MALRD1: variants seen among roughly 807,000 people sequenced by gnomAD.
MALRD1 encodes MAM and LDL receptor class A domain containing 1.
A neutral mutation model predicts 242.1 loss-of-function variants in MALRD1; 247 were observed. That is an observed-to-expected ratio of 1.02 (90% CI 0.92 to 1.13). The LOEUF is 1.13. Among genes scored for constraint, MALRD1 ranks in the 50% most tolerant of loss-of-function variants. The pLI, the probability that MALRD1 is intolerant of heterozygous loss-of-function variation, is 0.00. For missense variants in MALRD1, 2,989 were observed against 2,533.1 expected (o/e 1.18, Z -3.86); for synonymous variants, 995 against 866.6 (o/e 1.15, Z -2.60).
At chr10:19,226,695 T>G (rs1837815846) in intron 18 of MALRD1, among the ~76,000 whole-genome samples, 1 of 151,464 alleles carries the variant, frequency 6.6e-6, no homozygotes, top group South Asian at 2.1e-4. Flanking sequence ...GAAAAGAAAA[T>G]AAGAAATAAG....
chr10:19,467,992 C>G (rs890284921), intron 29 of MALRD1, among the ~76,000 whole-genome samples: 1 of 152,036 alleles, frequency 6.6e-6, no homozygotes, highest in African/African-American at 2.4e-5. Flanking sequence ...CTGGGTTTCT[C>G]CATGTTGGCC....
At chr10:19,142,724 AT>A (rs1211427379) in intron 10 of MALRD1, among the ~76,000 whole-genome samples, 4 of 152,174 alleles carry the variant, frequency 2.6e-5, no homozygotes, top group Non-Finnish European at 5.9e-5. Flanking sequence ...ACATGAATAG[AT>A]TTTTTTAGAT....
intron 6 of MALRD1, 82 bp downstream of exon 6, chr10:19,123,675 G>A (rs186851624): frequency 1.6e-4 from 120 of 756,696 alleles, no homozygotes; most frequent in Middle Eastern, 5.2e-4. Context: ...AAGTGCACGC[G>A]CCAACCTTTG....
At chr10:19,410,277 T>C (rs781099573) in intron 28 of MALRD1, among the ~76,000 whole-genome samples, 1 of 152,212 alleles carries the variant, frequency 6.6e-6, no homozygotes, top group Non-Finnish European at 1.5e-5. Context: ...AGATTTAGTA[T>C]GATAAATAGT....
At chr10:19,319,094 G>A (rs1842817799) in intron 21 of MALRD1, among the ~76,000 whole-genome samples, 1 of 151,846 alleles carries the variant, frequency 6.6e-6, no homozygotes, top group African/African-American at 2.4e-5. Context: ...CTCTCCCATT[G>A]ACTGGTTGGC....
chr10:19,315,578 T>TATAAATATTATTTA (rs1484830362), intron 21 of MALRD1, among the ~76,000 whole-genome samples: 23 of 62,406 alleles, frequency 3.7e-4, no homozygotes, highest in South Asian at 7.7e-4. Flanking sequence ...AATATATAAA[T>TATAAATATTATTTA]TATAAATTAT....
At chr10:19,688,501 T>C (rs918517279) in intron 36 of MALRD1, among the ~76,000 whole-genome samples, 1 of 151,970 alleles carries the variant, frequency 6.6e-6, no homozygotes, top group African/African-American at 2.4e-5. Flanking sequence ...CCTCAAGTAA[T>C]CCTCCCACCT....
intron 18 of MALRD1, among the ~76,000 whole-genome samples, chr10:19,216,075 G>T (rs1489000331): frequency 6.7e-6 from 1 of 149,018 alleles, no homozygotes; most frequent in Non-Finnish European, 1.5e-5. Flanking sequence ...TGCTGATTAA[G>T]TAATACTATA....
chr10:19,138,204 G>A (rs187864609), intron 10 of MALRD1, among the ~76,000 whole-genome samples: 14 of 152,186 alleles, frequency 9.2e-5, no homozygotes, highest in African/African-American at 3.1e-4. Flanking sequence ...TGAGCTCAAC[G>A]GAGCTTTTGG....
chr10:19,607,000 A>G (rs973747784), intron 34 of MALRD1, among the ~76,000 whole-genome samples: 4 of 152,158 alleles, frequency 2.6e-5, no homozygotes, highest in Non-Finnish European at 4.4e-5. Context: ...CGTTGTATAC[A>G]GAAAGGTAAA....
intron 36 of MALRD1, among the ~76,000 whole-genome samples, chr10:19,676,020 G>A (rs1409677575): frequency 6.6e-6 from 1 of 152,120 alleles, no homozygotes; most frequent in Non-Finnish European, 1.5e-5. Context: ...AAGAAGTGAA[G>A]CCATCTTCCA....
At chr10:19,481,342 T>C (rs1429651185) in intron 29 of MALRD1, among the ~76,000 whole-genome samples, 1 of 152,182 alleles carries the variant, frequency 6.6e-6, no homozygotes, top group Non-Finnish European at 1.5e-5. Context: ...TTAAACCTAA[T>C]TCTTTTGAAC....
At chr10:19,172,951 A>T (rs951688628) in intron 13 of MALRD1, among the ~76,000 whole-genome samples, 1 of 152,064 alleles carries the variant, frequency 6.6e-6, no homozygotes, top group Non-Finnish European at 1.5e-5. Flanking sequence ...TCTGGAATGA[A>T]GGCTAAATTT....
chr10:19,584,952 T>C (rs1194811982), intron 33 of MALRD1, among the ~76,000 whole-genome samples: 10 of 152,168 alleles, frequency 6.6e-5, no homozygotes, highest in Admixed American at 2.0e-4. Context: ...GCTCTTCTTG[T>C]TGAATTGATC....
Position 19,088,140 on chromosome 10 carries a change from G to A in MALRD1, c.552G>A (p.Gln184=), listed in dbSNP as rs1280553284. Residue 184 remains glutamine (Q), a synonymous_variant, in exon 4 of 40, where the codon CAG becomes CAA. Coordinates refer to ENST00000454679, the MANE Select transcript of MALRD1 (RefSeq NM_001142308.3). ...LWQNTAALPN[Q]WERNVIKIQS... is the part of the protein sequence containing the mutation. The stretch of plus-strand genomic sequence containing the variant: ...AAAACACAGCTGCACTCCCAAATCA[G>A]TGGGAGAGAAATGTCATCAAAATCC... 1.8e-5 allele frequency: 22 copies of A among 1,233,356 alleles called. 1 individual carries two copies. The highest frequency in any genetic ancestry group is 2.0e-5 in the Non-Finnish European group (20 of 987,874). The allele number at this position is 1,233,356 out of a possible 1,614,324, so 76.4% of individuals were successfully genotyped here. A position where few individuals can be genotyped will look rare whatever the true frequency, so the allele number is the denominator to read the frequency against.
At chr10:19,609,613 G>A (rs1033334945) in intron 35 of MALRD1, among the ~76,000 whole-genome samples, 1 of 151,994 alleles carries the variant, frequency 6.6e-6, no homozygotes, top group Non-Finnish European at 1.5e-5. Flanking sequence ...TCATAAACAA[G>A]AACATTAATC....
intron 18 of MALRD1, among the ~76,000 whole-genome samples, chr10:19,219,996 C>G (rs1837490108): frequency 6.6e-6 from 1 of 152,136 alleles, no homozygotes; most frequent in Non-Finnish European, 1.5e-5. Context: ...CAGCCTTAAA[C>G]AATTTTAAAC....
At chr10:19,647,001 A>G (rs1254332169) in intron 36 of MALRD1, among the ~76,000 whole-genome samples, 1 of 152,200 alleles carries the variant, frequency 6.6e-6, no homozygotes, top group Non-Finnish European at 1.5e-5. Context: ...AGGAACAGAG[A>G]TCACTTTAAA....
In MALRD1 at chr10:19,204,388, G is replaced by A; in HGVS notation, c.2185G>A (p.Gly729Arg). Residue 729 changes from glycine to arginine, a missense_variant, in exon 16 of 40, where the codon GGA becomes AGA. Transcript: ENST00000454679. The part of the protein sequence containing the change: ...KLQSPTFSQT[G>R]PGCILSFWFY... ...TCAGAGCCCAACTTTCAGCCAGACA[G>A]GACCTGGATGCATACTTTCCTTCTG... 6.5e-7 allele frequency: 1 copy of A among 1,546,510 alleles called. No individual in the cohort carries two copies. Among genetic ancestry groups the A allele is most frequent in the Non-Finnish European group, 8.7e-7 (1 of 1,145,244 alleles).
Sources: gnomAD v4.1 joint callset for allele counts (sites outside exome capture counted in the v4.1 genomes callset) on GRCh38, gnomAD v4.1.1 for gene constraint, MANE v1.5 for transcripts, NCBI Gene and HGNC (gene_info 2026-07-23, HGNC 2026-07-21) for gene names.